Variants in LRCH2 observed in about 807,000 individuals in gnomAD.
LRCH2 encodes leucine-rich repeat and calponin homology domain-containing protein 2.
In LRCH2, 38 loss-of-function variants were observed where a neutral mutation model predicts 68.9. The observed-to-expected ratio is 0.55, with a 90% CI of 0.43 to 0.72. The LOEUF is 0.72. LRCH2 is among the 30% of genes least tolerant of loss of function. The pLI is 0.00. For synonymous variants in LRCH2, 191 were observed against 208.1 expected (o/e 0.92, Z 0.71); for missense variants, 528 against 572.9 (o/e 0.92, Z 0.80).
rs782711212 is a variant in LRCH2 at position 115,203,514 on chromosome X, A to G, written c.350-15144T>C. ...CCCATTTTGCCTATGAGCCTGTAAA[A>G]TCAAGTTAGTTACTTCCTATATACA... is the stretch of plus-strand genomic sequence containing the variant. On this transcript the variant is annotated intron_variant, in intron 1 of 20. Transcript: ENST00000317135. 5.3e-5 allele frequency among the ~76,000 whole-genome samples: 6 copies of G among 112,564 alleles called. No homozygotes were observed. In the South Asian group the frequency reaches 2.2e-3, roughly 41 times the overall value.
intron 11 of LRCH2, among the ~76,000 whole-genome samples, chrX:115,158,598 CTT>C (rs1388636415): frequency 8.9e-6 from 1 of 112,005 alleles, no homozygotes; most frequent in Non-Finnish European, 1.9e-5. Context: ...TTCATAATTG[CTT>C]TTTGTTATTT....
rs187066706 is a variant in LRCH2 at position 115,189,780 on chromosome X, G to A, written c.350-1410C>T. ...CAAGGTTCTCACACAGAACCCGTGG[G>A]GGTGGCAGCAGCCCACAGCGACCCC... On this transcript the variant is annotated intron_variant, in intron 1 of 20. Transcript: ENST00000317135. 2.2e-3 allele frequency: 2,569 copies of A among 1,166,268 alleles called. 5 individuals carry two copies. The highest frequency in any genetic ancestry group is 0.014 in the Middle Eastern group (59 of 4,302).
chrX:115,183,918 T>C (rs2072712998), intron 3 of LRCH2, among the ~76,000 whole-genome samples: 1 of 112,019 alleles, frequency 8.9e-6, no homozygotes, highest in South Asian at 3.7e-4. Flanking sequence ...ATTTCTACAA[T>C]CAATTGCATA....
chrX:115,191,246 A>G lies in LRCH2; in HGVS notation c.350-2876T>C, dbSNP rs1250302989. ...TACCGAGGCCGCTCCCTCGATGCCA[A>G]CAGTGGAGGCCGCTCGCCCAATGCC... On this transcript the variant is annotated intron_variant, in intron 1 of 20. Transcript: ENST00000317135. The G allele has an allele frequency of 2.0e-5, 23 of 1,151,419 alleles. No homozygotes were observed. Among genetic ancestry groups the G allele is most frequent in the Non-Finnish European group, 2.7e-5 (23 of 866,353 alleles). The allele number at this position is 1,151,419 out of a possible 1,213,427, so 94.9% of individuals were successfully genotyped here. A position where few individuals can be genotyped will look rare whatever the true frequency, so the allele number is the denominator to read the frequency against.
chrX:115,229,040 A>G (rs2073136888), intron 1 of LRCH2, among the ~76,000 whole-genome samples: 1 of 111,631 alleles, frequency 9.0e-6, no homozygotes, highest in Non-Finnish European at 1.9e-5. Context: ...TTTCCAAAGT[A>G]GGAGTTCAAT....
In LRCH2 at chrX:115,197,847, T is replaced by TCACA. The variant is rs1556564243; in HGVS notation, c.350-9481_350-9478dup. On this transcript the variant is annotated intron_variant, in intron 1 of 20. Coordinates refer to ENST00000317135, the MANE Select transcript of LRCH2 (RefSeq NM_020871.4). Reference sequence around the variant, plus strand: ...CTCTCTCTCTCTCTCTCTCTCTCTCTCACACACACACACACACACACACAC... The same window carrying TCACA: ...CTCTCTCTCTCTCTCTCTCTCTCTCTCACACACACACACACACACACACACACAC... 4.5e-3 allele frequency among the ~76,000 whole-genome samples: 92 copies of TCACA among 20,534 alleles called. 2 individuals are homozygous for TCACA. Among genetic ancestry groups the TCACA allele is most frequent in the African/African-American group, 0.013 (69 of 5,165 alleles). The allele number at this position is 20,534 out of a possible 115,157, so 17.8% of individuals were successfully genotyped here. A position where few individuals can be genotyped will look rare whatever the true frequency, so the allele number is the denominator to read the frequency against.
chrX:115,167,409 T>C (rs1398464195), intron 6 of LRCH2, among the ~76,000 whole-genome samples: 3 of 105,170 alleles, frequency 2.9e-5, no homozygotes, highest in African/African-American at 1.0e-4. Context: ...TTTTGAAGAC[T>C]ATGACAAAGG....
At chrX:115,129,140 C>A (rs782184819) in intron 15 of LRCH2, among the ~76,000 whole-genome samples, 2 of 111,900 alleles carry the variant, frequency 1.8e-5, no homozygotes, top group South Asian at 7.5e-4. Flanking sequence ...AGGGCTTGAA[C>A]CTCAGGGGAG....
At chrX:115,224,804 G>A (rs1556575695) in intron 1 of LRCH2, among the ~76,000 whole-genome samples, 1 of 111,526 alleles carries the variant, frequency 9.0e-6, no homozygotes, top group African/African-American at 3.3e-5. Flanking sequence ...TTGATTAAAA[G>A]CAGAAAAGGC....
intron 5 of LRCH2, among the ~76,000 whole-genome samples, chrX:115,174,515 T>G (rs111461945): frequency 1.8e-5 from 2 of 109,480 alleles, no homozygotes; most frequent in African/African-American, 6.7e-5. Flanking sequence ...GTCCTTAAGT[T>G]TCATCCATGT....
At chrX:115,190,048 C>T in intron 1 of LRCH2, 4 of 1,157,230 alleles carry the variant, frequency 3.5e-6, no homozygotes, top group Non-Finnish European at 3.5e-6. Flanking sequence ...GGCCGGCCCA[C>T]CCCACAAGAG....
chrX:115,216,024 A>G (rs181579889), intron 1 of LRCH2, among the ~76,000 whole-genome samples: 82 of 111,636 alleles, frequency 7.3e-4, no homozygotes, highest in African/African-American at 2.6e-3. Flanking sequence ...TGTAAAAAAT[A>G]TGCATATTTC....
chrX:115,187,223 C>T (rs2072739645), intron 2 of LRCH2, among the ~76,000 whole-genome samples: 2 of 111,756 alleles, frequency 1.8e-5, no homozygotes, highest in African/African-American at 6.5e-5. Flanking sequence ...ACTGATATAT[C>T]ACAGTGAGAA....
chrX:115,207,564 C>G (rs1346781769), intron 1 of LRCH2, among the ~76,000 whole-genome samples: 7 of 111,155 alleles, frequency 6.3e-5, no homozygotes, highest in Middle Eastern at 4.2e-3. Flanking sequence ...AAATAAAAAT[C>G]GGAAAACTGC....
At chrX:115,131,813 T>C (rs982470666) in intron 14 of LRCH2, among the ~76,000 whole-genome samples, 13 of 112,041 alleles carry the variant, frequency 1.2e-4, no homozygotes, top group Non-Finnish European at 2.4e-4. Flanking sequence ...TGGTGTGAGA[T>C]GGTATCTCAT....
intron 5 of LRCH2, among the ~76,000 whole-genome samples, chrX:115,175,668 T>G (rs782687686): frequency 2.5e-3 from 275 of 111,956 alleles, no homozygotes; most frequent in African/African-American, 8.1e-3. Flanking sequence ...GTTGTTATCC[T>G]TTTATCTTGT....
At chrX:115,157,319 A>AT (rs1355347759) in intron 11 of LRCH2, among the ~76,000 whole-genome samples, 1 of 110,763 alleles carries the variant, frequency 9.0e-6, no homozygotes, top group East Asian at 2.8e-4. Context: ...TATAAATATA[A>AT]TTTTCACTTT....
intron 1 of LRCH2, chrX:115,190,331 A>T: frequency 1.7e-6 from 2 of 1,158,080 alleles, no homozygotes; most frequent in Non-Finnish European, 2.3e-6. Context: ...CATCCCAGCA[A>T]AGGCTCCTAC....
rs1556539776 is a variant in LRCH2, at chrX:115,156,560, CATT to C, written c.1529+39_1529+41del. 1.1e-5 allele frequency: 10 copies of C among 899,565 alleles called. No homozygotes were observed. The Admixed American group carries it at 2.8e-4, about 25-fold the overall frequency. The allele number at this position is 899,565 out of a possible 1,213,427, so 74.1% of individuals were successfully genotyped here. A position where few individuals can be genotyped will look rare whatever the true frequency, so the allele number is the denominator to read the frequency against. On this transcript the variant is annotated intron_variant, in intron 12 of 20. Transcript: ENST00000317135. ...ACATCACTGTCAAAGGATCAATACTCATTATAAAATATTAAATGTAAAAACTAA... is the reference window on the plus strand; with the variant it reads ...ACATCACTGTCAAAGGATCAATACTCATAAAATATTAAATGTAAAAACTAA...
Sources: allele counts gnomAD v4.1 joint callset (sites outside exome capture counted in the v4.1 genomes callset), GRCh38; gene constraint gnomAD v4.1.1; transcripts MANE v1.5; gene names NCBI Gene and HGNC (gene_info 2026-07-23, HGNC 2026-07-21).